Variants in FAM120A observed in about 807,000 individuals in gnomAD.
The protein encoded by FAM120A is family with sequence similarity 120 member A.
A neutral mutation model predicts 109.7 loss-of-function variants in FAM120A; 15 were observed. That is an observed-to-expected ratio of 0.14 (90% confidence interval 0.09 to 0.21). The LOEUF (loss-of-function observed/expected upper bound fraction) is 0.21. Among genes scored for constraint, FAM120A ranks in the 10% least tolerant of loss-of-function variants. FAM120A has a pLI of 1.00. For missense variants in FAM120A, 899 were observed against 1,439.3 expected (o/e 0.62, Z 6.07); for synonymous variants, 493 against 572.8 (o/e 0.86, Z 1.99).
At chr9:93,481,197 G>C (rs1383878464) in intron 3 of FAM120A, among the ~76,000 whole-genome samples, 1 of 152,244 alleles carries the variant, frequency 6.6e-6, no homozygotes, top group Non-Finnish European at 1.5e-5. Context: ...GGGCCCCCTG[G>C]CTGTAGACAT....
rs980043805 is a variant in FAM120A, at chr9:93,529,347, C to T, written c.1507-6C>T. On this transcript the variant is annotated splice_region_variant and splice_polypyrimidine_tract_variant and intron_variant, in intron 8 of 17. Transcript: ENST00000277165. ...GTTTTCCTCCCTTCTGCTCTCTGCA[C>T]TGTAGGCAGAAGGCTCGTCCACTGC... 1.8e-5 allele frequency: 29 copies of T among 1,596,376 alleles called. No individual in the cohort carries two copies. Among genetic ancestry groups the T allele is most frequent in the Non-Finnish European group, 2.5e-5 (29 of 1,171,680 alleles).
intron 7 of FAM120A, among the ~76,000 whole-genome samples, chr9:93,525,213 C>G (rs923283814): frequency 6.6e-6 from 1 of 152,134 alleles, no homozygotes; most frequent in African/African-American, 2.4e-5. Flanking sequence ...GATTGATAAT[C>G]TACATAGAAC....
At chr9:93,503,211 A>G (rs1859880838) in intron 5 of FAM120A, among the ~76,000 whole-genome samples, 1 of 152,218 alleles carries the variant, frequency 6.6e-6, no homozygotes, top group Non-Finnish European at 1.5e-5. Flanking sequence ...ATATTTACAA[A>G]ATTCCCAAGT....
chr9:93,521,976 A>C (rs991366446), intron 7 of FAM120A, among the ~76,000 whole-genome samples: 2 of 152,202 alleles, frequency 1.3e-5, no homozygotes, highest in African/African-American at 4.8e-5. Context: ...GCTACTTGGG[A>C]GGCTGAGGTA....
rs1030745174 is a variant in FAM120A at position 93,527,715 on chromosome 9, T to C, written c.1506+473T>C. ...TCAGCTCACTGAAACCTCTGCCCCC[T>C]GGGTTCAAGCAATTCTCCTGGCTCA... On this transcript the variant is annotated intron_variant, in intron 8 of 17. Coordinates refer to ENST00000277165, the MANE Select transcript of FAM120A (RefSeq NM_014612.5). Among the ~76,000 whole-genome samples the C allele has an allele frequency of 6.3e-5, 8 of 127,374 alleles. No homozygotes were observed. The Admixed American group carries it at 8.5e-4, about 14-fold the overall frequency. 83.6% of individuals were successfully genotyped at this position (127,374 alleles called of 152,430 possible).
At position 93,543,348 on chromosome 9, in the gene FAM120A, A is replaced by G; in HGVS notation, c.2036A>G (p.Lys679Arg). 6.2e-7 allele frequency: 1 copy of G among 1,614,188 alleles called. No homozygotes were observed. Among genetic ancestry groups the G allele is most frequent in the Non-Finnish European group, 8.5e-7 (1 of 1,180,018 alleles). The change falls in exon 11 of 18, where the codon AAG becomes AGG. Residue 679 changes from lysine to arginine, a missense_variant. This residue lies in a region of FAM120A where 133 missense variants were observed against 276.6 expected (regional missense o/e 0.48). Coordinates refer to ENST00000277165, the MANE Select transcript of FAM120A (RefSeq NM_014612.5). ...AACCTGAAGAGGCTGTGGTTGGGTA[A>G]GGCGGTAGAGGACAAGAACCGCAGG... ...CPNLKRLWLG[K>R]AVEDKNRRMR...
chr9:93,485,511 T>C (rs919963599), intron 3 of FAM120A, among the ~76,000 whole-genome samples: 1 of 152,170 alleles, frequency 6.6e-6, no homozygotes, highest in African/African-American at 2.4e-5. Flanking sequence ...GTGGAAGGAT[T>C]GCTTGAGCCT....
At chr9:93,554,902 T>C (rs1171665299) in intron 12 of FAM120A, among the ~76,000 whole-genome samples, 1 of 152,110 alleles carries the variant, frequency 6.6e-6, no homozygotes, top group African/African-American at 2.4e-5. Context: ...TGGAAGGGAT[T>C]TGTGGTCATA....
chr9:93,513,037 C>T (rs562671306), intron 5 of FAM120A, among the ~76,000 whole-genome samples: 6 of 152,272 alleles, frequency 3.9e-5, no homozygotes, highest in South Asian at 2.1e-4. Context: ...CACTTGAATG[C>T]GGGTGCTACA....
At chr9:93,468,999 C>T (rs1858186666) in intron 1 of FAM120A, among the ~76,000 whole-genome samples, 3 of 152,236 alleles carry the variant, frequency 2.0e-5, no homozygotes, top group South Asian at 4.1e-4. Context: ...ACAGTGGGTC[C>T]CTCTGCCCAG....
At chr9:93,510,728 A>G (rs1026390325) in intron 5 of FAM120A, among the ~76,000 whole-genome samples, 4 of 152,004 alleles carry the variant, frequency 2.6e-5, no homozygotes, top group African/African-American at 9.7e-5. Context: ...TCGGGATTGT[A>G]GTCATGAGCC....
intron 10 of FAM120A, among the ~76,000 whole-genome samples, chr9:93,536,995 C>T (rs1217387276): frequency 6.6e-6 from 1 of 152,200 alleles, no homozygotes; most frequent in Non-Finnish European, 1.5e-5. Flanking sequence ...TTCCTGCAGA[C>T]GTGATCCACG....
chr9:93,472,327 C>CT (rs1417997984), intron 2 of FAM120A, among the ~76,000 whole-genome samples: 7 of 151,650 alleles, frequency 4.6e-5, no homozygotes, highest in Non-Finnish European at 7.4e-5. Flanking sequence ...TGTGTGTTTT[C>CT]TTTCTTTGCT....
intron 2 of FAM120A, among the ~76,000 whole-genome samples, chr9:93,475,823 T>C (rs1858524579): frequency 1.3e-5 from 2 of 152,232 alleles, no homozygotes; most frequent in African/African-American, 2.4e-5. Flanking sequence ...GTTTTATAAT[T>C]GTGCAGATTT....
intron 1 of FAM120A, among the ~76,000 whole-genome samples, chr9:93,461,683 T>C (rs927332249): frequency 2.5e-4 from 38 of 152,176 alleles, no homozygotes; most frequent in African/African-American, 8.7e-4. Flanking sequence ...ATCACTCCTT[T>C]ATTATTATTA....
chr9:93,550,762 T>G, intron 12 of FAM120A, 71 bp downstream of exon 12: 1 of 1,086,150 alleles, frequency 9.2e-7, no homozygotes, highest in Admixed American at 1.9e-5. Flanking sequence ...CTGCTAACTT[T>G]CAACAGGCAG....
Position 93,451,856 on chromosome 9 carries a change from C to T in FAM120A, c.-60C>T, listed in dbSNP as rs1857234916. 1.0e-6 allele frequency: 1 copy of T among 998,992 alleles called. No homozygotes were observed. The allele number at this position is 998,992 out of a possible 1,614,324, so 61.9% of individuals were successfully genotyped here. A position where few individuals can be genotyped will look rare whatever the true frequency, so the allele number is the denominator to read the frequency against. On this transcript the variant is annotated 5_prime_UTR_variant, in exon 1 of 18. Transcript: ENST00000277165. The stretch of plus-strand genomic sequence containing the variant: ...GCCAGCCCGCCCGCGCGCCACGGCC[C>T]CACCACCCCCGGCCCCGCCGCCCCC...
intron 3 of FAM120A, among the ~76,000 whole-genome samples, chr9:93,478,558 C>A (rs1402355335): frequency 2.0e-5 from 3 of 150,110 alleles, no homozygotes; most frequent in Non-Finnish European, 3.0e-5. Flanking sequence ...CTCACTGCAA[C>A]CTCTGCCTCC....
intron 3 of FAM120A, among the ~76,000 whole-genome samples, chr9:93,489,998 T>C (rs1859242710): frequency 6.6e-6 from 1 of 152,186 alleles, no homozygotes; most frequent in Admixed American, 6.5e-5. Flanking sequence ...AGACCTGTGC[T>C]CCACTGTGTC....
Sources: allele counts gnomAD v4.1 joint callset (sites outside exome capture counted in the v4.1 genomes callset), GRCh38; gene constraint gnomAD v4.1.1; regional missense constraint gnomAD v4.1.1; transcripts MANE v1.5; gene names NCBI Gene and HGNC (gene_info 2026-07-23, HGNC 2026-07-21).